Variants in RBFOX2 observed in about 807,000 individuals in gnomAD.
RBFOX2 encodes the protein RNA binding fox-1 homolog 2, also known as RNA binding protein fox-1 homolog 2.
Under a neutral mutation model 49.1 loss-of-function variants are expected in RBFOX2, and 10 were observed. The observed-to-expected ratio is 0.20, with a 90% CI of 0.13 to 0.35. RBFOX2 has a LOEUF of 0.35. Ranked by LOEUF, RBFOX2 falls within the 10% of genes least tolerant of loss-of-function variation. The pLI is 1.00. For missense variants in RBFOX2, 323 were observed against 486.9 expected (o/e 0.66, Z 3.17); for synonymous variants, 183 against 187.4 (o/e 0.98, Z 0.19).
At chr22:35,898,511 T>G (rs1168283414) in intron 1 of RBFOX2, 1 of 282,616 alleles carries the variant, frequency 3.5e-6, no homozygotes, top group East Asian at 8.9e-5. Context: ...TCGCAACCTC[T>G]GCCTCCCAGG....
At chr22:36,011,900 G>C (rs903061214) in intron 1 of RBFOX2, among the ~76,000 whole-genome samples, 12 of 152,148 alleles carry the variant, frequency 7.9e-5, no homozygotes. Context: ...TTCTCTCTCT[G>C]AGCCTGAGAT....
intron 1 of RBFOX2, among the ~76,000 whole-genome samples, chr22:35,916,903 A>C (rs2050486280): frequency 6.6e-6 from 1 of 152,150 alleles, no homozygotes; most frequent in Non-Finnish European, 1.5e-5. Context: ...AGAGTAATGA[A>C]AAGTGGATGG....
At chr22:35,835,591 T>C (rs1476193445) in intron 1 of RBFOX2, among the ~76,000 whole-genome samples, 1 of 152,092 alleles carries the variant, frequency 6.6e-6, no homozygotes, top group East Asian at 1.9e-4. Context: ...CCTGTAGCAA[T>C]ACAAATTTAA....
upstream of RBFOX2, chr22:35,938,974 A>C: frequency 7.4e-7 from 1 of 1,356,802 alleles, no homozygotes; most frequent in Admixed American, 1.7e-5. Flanking sequence ...ATCCAAACTG[A>C]TCAAATATAA....
At chr22:35,829,609 C>G (rs1956416181) in intron 1 of RBFOX2, among the ~76,000 whole-genome samples, 1 of 152,024 alleles carries the variant, frequency 6.6e-6, no homozygotes, top group South Asian at 2.1e-4. Flanking sequence ...AATAGTGAGC[C>G]TTGAAAATGA....
At chr22:35,980,528 A>G (rs1352219396) in intron 1 of RBFOX2, among the ~76,000 whole-genome samples, 1 of 151,970 alleles carries the variant, frequency 6.6e-6, no homozygotes, top group African/African-American at 2.4e-5. Flanking sequence ...CCAAAGCACA[A>G]AGCATCAGGT....
chr22:35,758,433 A>G (rs997882692), intron 9 of RBFOX2, among the ~76,000 whole-genome samples: 1 of 152,192 alleles, frequency 6.6e-6, no homozygotes, highest in Non-Finnish European at 1.5e-5. Flanking sequence ...ATATGACAGT[A>G]AATTCTCTTG....
chr22:35,903,929 G>A (rs1406654292), intron 1 of RBFOX2, among the ~76,000 whole-genome samples: 1 of 144,990 alleles, frequency 6.9e-6, no homozygotes, highest in African/African-American at 2.8e-5. Flanking sequence ...CTACTTCCAC[G>A]GCATCACATT....
chr22:35,987,501 CAGG>C lies in RBFOX2; in HGVS notation c.186+40736_186+40738del, dbSNP rs2057772664. On this transcript the variant is annotated intron_variant, in intron 1 of 13. Transcript: ENST00000438146. ...ACTTTTCAAAATTCAAATGGCTGAA[CAGG>C]AGATGTTTCAGTCCTAAAAGCAAAA... Among the ~76,000 whole-genome samples, 3 of 152,206 alleles carry C rather than the reference CAGG, an allele frequency of 2.0e-5. No individual in the cohort carries two copies. In the South Asian group the frequency reaches 6.2e-4, roughly 31 times the overall value.
chr22:35,840,952 G>C (rs1461263403), upstream of RBFOX2, among the ~76,000 whole-genome samples: 1 of 152,186 alleles, frequency 6.6e-6, no homozygotes, highest in Admixed American at 6.5e-5. Flanking sequence ...CAAGGAACAG[G>C]AATATGCAAG....
intron 1 of RBFOX2, among the ~76,000 whole-genome samples, chr22:35,848,161 T>C (rs1181488867): frequency 6.6e-6 from 1 of 152,212 alleles, no homozygotes; most frequent in Non-Finnish European, 1.5e-5. Flanking sequence ...AGAAATTTAC[T>C]GTTCACAGAT....
At position 35,765,453 on chromosome 22, in the gene RBFOX2, TG is replaced by T; in HGVS notation, c.576del (p.Asn193IlefsTer14). 6.6e-7 allele frequency: 1 copy of T among 1,523,530 alleles called. No individual in the cohort carries two copies. Among genetic ancestry groups the T allele is most frequent in the Non-Finnish European group, 9.1e-7 (1 of 1,104,138 alleles). 94.4% of individuals were successfully genotyped at this position (1,523,530 alleles called of 1,614,324 possible). A position where few individuals can be genotyped will look rare whatever the true frequency, so the allele number is the denominator to read the frequency against. Reference sequence around the variant, plus strand: ...GCATATGGTGTGACCATCTTCTTATTGGTCATTACACGTGCTGTAGCATTAT... The same window carrying T: ...GCATATGGTGTGACCATCTTCTTATTGTCATTACACGTGCTGTAGCATTAT... On this transcript the variant is annotated frameshift_variant, in exon 6 of 12. Transcript: ENST00000405409. LOFTEE classifies it high-confidence loss of function.
intron 1 of RBFOX2, chr22:35,898,131 G>C (rs956869394): frequency 2.0e-5 from 15 of 744,046 alleles, no homozygotes; most frequent in African/African-American, 1.9e-4. Flanking sequence ...GAAGGTGCAT[G>C]ATGTCACATG....
chr22:35,812,892 C>A (rs1408581125), intron 1 of RBFOX2, among the ~76,000 whole-genome samples: 2 of 152,214 alleles, frequency 1.3e-5, no homozygotes, highest in East Asian at 3.8e-4. Flanking sequence ...TTATTCTCAA[C>A]AGGGCTGACT....
At chr22:35,774,486 A>G (rs890758983) in intron 4 of RBFOX2, among the ~76,000 whole-genome samples, 4 of 152,206 alleles carry the variant, frequency 2.6e-5, no homozygotes, top group African/African-American at 9.6e-5. Context: ...AGAAACTTAG[A>G]TACAGGTGAT....
intron 1 of RBFOX2, among the ~76,000 whole-genome samples, chr22:35,991,917 A>T (rs2057998852): frequency 6.6e-6 from 1 of 152,152 alleles, no homozygotes; most frequent in Non-Finnish European, 1.5e-5. Flanking sequence ...TTACACACCT[A>T]ATATATGTAA....
chr22:35,744,102 T>C (rs1931287466), exon 12 of RBFOX2: 2 of 1,036,050 alleles, frequency 1.9e-6, no homozygotes, highest in Non-Finnish European at 1.3e-6. Flanking sequence ...TTTGTTTGTT[T>C]TTCCTCTTCA....
chr22:35,999,166 G>C (rs889208774), intron 1 of RBFOX2: 5 of 152,118 alleles, frequency 3.3e-5, no homozygotes, highest in African/African-American at 1.2e-4. Flanking sequence ...ATGTGCTCAT[G>C]GTAGTAACCA....
At chr22:35,775,852 AAAAAAAAAAG>A (rs1943767947) in intron 4 of RBFOX2, among the ~76,000 whole-genome samples, 1 of 151,168 alleles carries the variant, frequency 6.6e-6, no homozygotes, top group Non-Finnish European at 1.5e-5. Context: ...AAAAAAAAAA[AAAAAAAAAAG>A]AAAAGAAAAG....
Sources: gnomAD v4.1 joint callset for allele counts (sites outside exome capture counted in the v4.1 genomes callset) on GRCh38, gnomAD v4.1.1 for gene constraint, MANE v1.5 for transcripts, NCBI Gene and HGNC (gene_info 2026-07-23, HGNC 2026-07-21) for gene names.